The following STPG2 variants were observed in gnomAD, a reference collection of about 807,000 sequenced individuals.
STPG2 encodes sperm tail PG-rich repeat containing 2, also known as sperm-tail PG-rich repeat-containing protein 2.
In STPG2, 56 loss-of-function variants were observed where a neutral mutation model predicts 54.2. That is an observed-to-expected ratio of 1.03 (90% CI 0.83 to 1.29). STPG2 has a LOEUF of 1.29. Ranked by LOEUF, STPG2 falls within the 50% of genes most tolerant of loss-of-function variation. The pLI is 0.00. For missense variants in STPG2, 596 were observed against 544.9 expected (o/e 1.09, Z -0.93); for synonymous variants, 200 against 181.8 (o/e 1.10, Z -0.81).
At chr4:97,677,547 T>C (rs1316294198) in intron 10 of STPG2, among the ~76,000 whole-genome samples, 1 of 152,232 alleles carries the variant, frequency 6.6e-6, no homozygotes, top group African/African-American at 2.4e-5. Context: ...ATGGTGGCTA[T>C]GGATCTCTAA....
intron 5 of STPG2, among the ~76,000 whole-genome samples, chr4:98,035,601 T>C (rs558914663): frequency 6.6e-6 from 1 of 152,314 alleles, no homozygotes; most frequent in Non-Finnish European, 1.5e-5. Context: ...ACTGGGTATA[T>C]ACCCAAAGGA....
intron 9 of STPG2, among the ~76,000 whole-genome samples, chr4:97,781,168 A>G (rs1486586291): frequency 2.6e-4 from 39 of 152,278 alleles, no homozygotes; most frequent in African/African-American, 9.1e-4. Flanking sequence ...AAAGATCAAG[A>G]AAATTGATAG....
chr4:97,560,803 T>C (rs1732210204), intron 10 of STPG2, among the ~76,000 whole-genome samples: 1 of 152,080 alleles, frequency 6.6e-6, no homozygotes, highest in Non-Finnish European at 1.5e-5. Context: ...GGTGACAACA[T>C]GAATGAGTAA....
At chr4:98,118,712 A>C (rs1012161022) in intron 3 of STPG2, among the ~76,000 whole-genome samples, 22 of 152,146 alleles carry the variant, frequency 1.4e-4, no homozygotes, top group Non-Finnish European at 3.1e-4. Flanking sequence ...GGCTGATTGC[A>C]AGGCTCAGGC....
chr4:98,056,041 G>C (rs902899424), intron 5 of STPG2, among the ~76,000 whole-genome samples: 3 of 152,104 alleles, frequency 2.0e-5, no homozygotes, highest in Non-Finnish European at 2.9e-5. Flanking sequence ...CACTTTGCTG[G>C]TATGTGTCTG....
chr4:97,899,001 C>T (rs1452247429), intron 8 of STPG2, among the ~76,000 whole-genome samples: 1 of 151,464 alleles, frequency 6.6e-6, no homozygotes, highest in Non-Finnish European at 1.5e-5. Flanking sequence ...AAATAAAGGG[C>T]ATCCAAAAGG....
At chr4:97,667,876 T>A (rs1722575606) in intron 10 of STPG2, among the ~76,000 whole-genome samples, 1 of 152,136 alleles carries the variant, frequency 6.6e-6, no homozygotes, top group Non-Finnish European at 1.5e-5. Flanking sequence ...TGCTGAAAGA[T>A]ACAATGGCAA....
chr4:97,941,516 G>T (rs1332560579), intron 8 of STPG2, among the ~76,000 whole-genome samples: 1 of 151,698 alleles, frequency 6.6e-6, no homozygotes, highest in East Asian at 1.9e-4. Flanking sequence ...TTATGTCATG[G>T]TTTTTTTAAA....
At chr4:97,858,091 C>G (rs1578628252) in intron 8 of STPG2, among the ~76,000 whole-genome samples, 1 of 151,922 alleles carries the variant, frequency 6.6e-6, no homozygotes, top group African/African-American at 2.4e-5. Flanking sequence ...ATTGGCCATA[C>G]AGAGGAGGTA....
Position 97,485,952 on chromosome 4 carries a change from C to G in STPG2, c.462+226747G>C, listed in dbSNP as rs912709000. ...AAATATAAAGTAGTGAAAAGACACC[C>G]TTTTCAACAAATTGTGTTGGGATAA... On this transcript the variant is annotated intron_variant, in intron 4 of 4. Transcript: ENST00000522676. Among the ~76,000 whole-genome samples the G allele has an allele frequency of 2.0e-5, 3 of 151,868 alleles. No individual in the cohort carries two copies. The East Asian group carries it at 5.8e-4, about 29-fold the overall frequency.
intron 9 of STPG2, among the ~76,000 whole-genome samples, chr4:97,782,091 G>T (rs1726647432): frequency 6.6e-6 from 1 of 152,150 alleles, no homozygotes; most frequent in Admixed American, 6.5e-5. Context: ...GGGCAATCAG[G>T]CAGGAGAAAT....
At chr4:97,560,731 A>G (rs1303165257) in intron 10 of STPG2, among the ~76,000 whole-genome samples, 1 of 152,192 alleles carries the variant, frequency 6.6e-6, no homozygotes, top group Admixed American at 6.6e-5. Context: ...ATTTGTTTCG[A>G]AAGAGCCAGT....
intron 10 of STPG2, among the ~76,000 whole-genome samples, chr4:97,568,790 A>G (rs1732520298): frequency 6.6e-6 from 1 of 152,144 alleles, no homozygotes. Flanking sequence ...ACAACAAATG[A>G]TGGGTAGAGG....
At position 97,972,706 on chromosome 4, in the gene STPG2, T is replaced by C. The variant is rs79429620; in HGVS notation, c.773-266A>G. Among the ~76,000 whole-genome samples the C allele has an allele frequency of 0.016, 2,365 of 152,296 alleles. 119 individuals are homozygous for C. In the East Asian group the frequency reaches 0.19, roughly 12 times the overall value. ...CACAATTCCATGGGAGGAACTGTCA[T>C]AGGAGGAACCCAGTGGGAGGTAATT... On this transcript the variant is annotated intron_variant, in intron 6 of 10. Transcript: ENST00000295268.
At chr4:97,920,465 G>T (rs1732056430) in intron 8 of STPG2, among the ~76,000 whole-genome samples, 3 of 152,156 alleles carry the variant, frequency 2.0e-5, no homozygotes, top group Admixed American at 2.0e-4. Context: ...ACCGACTGGG[G>T]TGACTTATCA....
chr4:97,972,267 A>G lies in STPG2; in HGVS notation c.933+13T>C. On this transcript the variant is annotated intron_variant, in intron 7 of 10. Coordinates refer to ENST00000295268, the MANE Select transcript of STPG2 (RefSeq NM_174952.3). ...TCAACATAAAGAATATTATTTTTGT[A>G]TGAATGTATTACCTGATAATCAGCA... 1.3e-6 allele frequency: 2 copies of G among 1,505,040 alleles called. No homozygotes were observed. The highest frequency in any genetic ancestry group is 1.3e-5 in the South Asian group (1 of 77,352). 93.2% of individuals were successfully genotyped at this position (1,505,040 alleles called of 1,614,324 possible).
At chr4:97,801,690 G>A (rs955519550) in intron 9 of STPG2, among the ~76,000 whole-genome samples, 17 of 151,898 alleles carry the variant, frequency 1.1e-4, no homozygotes, top group African/African-American at 4.1e-4. Flanking sequence ...TATACACTGG[G>A]GAACACTGGG....
intron 9 of STPG2, among the ~76,000 whole-genome samples, chr4:97,733,094 C>A (rs1186551185): frequency 6.6e-6 from 1 of 151,876 alleles, no homozygotes; most frequent in African/African-American, 2.4e-5. Flanking sequence ...GGGTATCTAT[C>A]CAAAGGAAAA....
chr4:97,550,580 TATTA>T (rs1210495166), intron 4 of STPG2, among the ~76,000 whole-genome samples: 4 of 152,186 alleles, frequency 2.6e-5, no homozygotes, highest in Admixed American at 6.5e-5. Flanking sequence ...TTACCTATGT[TATTA>T]AGATTATTTA....
Sources: gnomAD v4.1 joint callset for allele counts (sites outside exome capture counted in the v4.1 genomes callset) on GRCh38, gnomAD v4.1.1 for gene constraint, MANE v1.5 for transcripts, NCBI Gene and HGNC (gene_info 2026-07-23, HGNC 2026-07-21) for gene names.